The following JHY variants were observed in gnomAD, a reference collection of about 807,000 sequenced individuals.
JHY encodes the protein jhy protein homolog.
Under a neutral mutation model 78.0 loss-of-function variants are expected in JHY, and 69 were observed. The ratio of observed to expected loss-of-function variants is 0.88; its 90% CI spans 0.73 to 1.08. The LOEUF (loss-of-function observed/expected upper bound fraction) is 1.08. Ranked by LOEUF, JHY falls within the 50% of genes least tolerant of loss-of-function variation. The pLI is 0.00. For synonymous variants in JHY, 368 were observed against 342.6 expected (o/e 1.07, Z -0.82); for missense variants, 944 against 927.8 (o/e 1.02, Z -0.23).
intron 2 of JHY, among the ~76,000 whole-genome samples, chr11:122,895,493 C>A (rs934067967): frequency 5.9e-5 from 9 of 152,162 alleles, no homozygotes; most frequent in African/African-American, 1.9e-4. Flanking sequence ...TGAGGCTCTT[C>A]ATTAAATGGA....
Position 122,959,448 on chromosome 11 carries a change from A to G in JHY, c.*3A>G. On this transcript the variant is annotated 3_prime_UTR_variant, in exon 9 of 9. Coordinates refer to ENST00000227349, the MANE Select transcript of JHY (RefSeq NM_024806.4). ...TCAAAGTCCTTCACATCGTATAGAC[A>G]ACATTTGATAGGAAGGAGACCAAAA... is the stretch of plus-strand genomic sequence containing the variant. 1 of 1,613,654 alleles carries G rather than the reference A, an allele frequency of 6.2e-7. No homozygotes were observed. Among genetic ancestry groups the G allele is most frequent in the African/African-American group, 1.3e-5 (1 of 75,024 alleles).
rs1864321862 is a variant in JHY at position 122,961,785 on chromosome 11, AAAT to A, written c.*2343_*2345del. On this transcript the variant is annotated 3_prime_UTR_variant, in exon 9 of 9. Transcript: ENST00000227349. ...ATAAAGTGACAATTGAATGAAACAC[AAAT>A]AAATAAAGAATAAAGTTGAAAAAAA... Among the ~76,000 whole-genome samples the A allele has an allele frequency of 6.6e-6, 1 of 152,192 alleles. No individual in the cohort carries two copies. The highest frequency in any genetic ancestry group is 2.4e-5 in the African/African-American group (1 of 41,444).
intron 6 of JHY, among the ~76,000 whole-genome samples, chr11:122,952,299 G>T (rs528389511): frequency 2.3e-4 from 35 of 152,178 alleles, no homozygotes; most frequent in African/African-American, 8.2e-4. Flanking sequence ...AAATTTTGTG[G>T]TATGTGAATT....
rs575575124 is a variant in JHY at position 122,927,992 on chromosome 11, A to G, written c.978+2982A>G. Among the ~76,000 whole-genome samples, 139 of 152,148 alleles carry G rather than the reference A, an allele frequency of 9.1e-4. 1 individual carries two copies. The highest frequency in any genetic ancestry group is 3.3e-3 in the African/African-American group (136 of 41,528). On this transcript the variant is annotated intron_variant, in intron 4 of 8. Coordinates refer to ENST00000227349, the MANE Select transcript of JHY (RefSeq NM_024806.4). ...GTGATCTGCCCGCCTGGGCCTCCCA[A>G]AGTGCTAGGATTACAGGCGTGAGCC... is the stretch of plus-strand genomic sequence containing the variant.
At position 122,934,898 on chromosome 11, in the gene JHY, A is replaced by G. The variant is rs33999612; in HGVS notation, c.1457A>G (p.His486Arg). The stretch of plus-strand genomic sequence containing the variant: ...AAAAGATTTTCATATCAGCAGCTAC[A>G]CACCCTTTCTGACATGGATTTGAAC... The part of the protein sequence containing the change: ...EEKRFSYQQL[H>R]TLSDMDLNNL... Residue 486 changes from histidine to arginine, a missense_variant, in exon 5 of 9, where the codon CAC becomes CGC. His to Arg is a conservative substitution (Grantham distance 29). Transcript: ENST00000227349. 4.4e-3 allele frequency: 7,101 copies of G among 1,614,128 alleles called. 251 individuals are homozygous for G. The African/African-American group carries it at 0.082, about 19-fold the overall frequency.
rs1301945173 is a variant in JHY, at chr11:122,960,919, G to A, written c.*1474G>A. 8 of 706,504 alleles carry A rather than the reference G, an allele frequency of 1.1e-5. No individual in the cohort carries two copies. Among genetic ancestry groups the A allele is most frequent in the South Asian group, 4.1e-5 (3 of 73,640 alleles). 43.8% of individuals were successfully genotyped at this position (706,504 alleles called of 1,614,324 possible). On this transcript the variant is annotated 3_prime_UTR_variant, in exon 9 of 9. Coordinates refer to ENST00000227349, the MANE Select transcript of JHY (RefSeq NM_024806.4). ...AGAGTGTATAAGGAAGTAAAGAATC[G>A]CCTGGACTATCATATATCTGTGCAG...
intron 5 of JHY, among the ~76,000 whole-genome samples, chr11:122,937,912 G>C (rs1863791138): frequency 6.6e-6 from 1 of 152,148 alleles, no homozygotes; most frequent in Non-Finnish European, 1.5e-5. Context: ...TAGAATTCTA[G>C]ATGGAAAATC....
intron 5 of JHY, among the ~76,000 whole-genome samples, chr11:122,940,764 A>G (rs986460024): frequency 1.3e-5 from 2 of 152,010 alleles, no homozygotes; most frequent in Non-Finnish European, 2.9e-5. Context: ...TAATTCTATC[A>G]ATACCTATAC....
At chr11:122,913,718 C>A (rs1455904180) in intron 3 of JHY, among the ~76,000 whole-genome samples, 1 of 152,130 alleles carries the variant, frequency 6.6e-6, no homozygotes, top group Non-Finnish European at 1.5e-5. Flanking sequence ...CCAGTACCTC[C>A]CTCATTCCTG....
chr11:122,916,695 C>T (rs971239810), intron 3 of JHY, among the ~76,000 whole-genome samples: 2 of 152,058 alleles, frequency 1.3e-5, no homozygotes, highest in Non-Finnish European at 2.9e-5. Flanking sequence ...GCTAGAGCGC[C>T]GTGGCATGAT....
At chr11:122,940,462 G>T (rs945156476) in intron 5 of JHY, among the ~76,000 whole-genome samples, 1 of 152,102 alleles carries the variant, frequency 6.6e-6, no homozygotes, top group South Asian at 2.1e-4. Context: ...ACCATTTCAG[G>T]CAAGAATACT....
intron 2 of JHY, among the ~76,000 whole-genome samples, chr11:122,899,495 T>C (rs1162781664): frequency 6.6e-6 from 1 of 152,232 alleles, no homozygotes; most frequent in Non-Finnish European, 1.5e-5. Context: ...AATTTATTAC[T>C]ATTGATTTTT....
chr11:122,961,204 T>G lies in JHY; in HGVS notation c.*1759T>G. 1 of 476,686 alleles carries G rather than the reference T, an allele frequency of 2.1e-6. No homozygotes were observed. 29.5% of individuals were successfully genotyped at this position (476,686 alleles called of 1,614,324 possible). The stretch of plus-strand genomic sequence containing the variant: ...ACTGAAGTAGATAGTTTATATCTCC[T>G]AAAAATGAAACATTTGTTCCCTATA... On this transcript the variant is annotated 3_prime_UTR_variant, in exon 9 of 9. Transcript: ENST00000227349.
chr11:122,957,270 G>A (rs1391038240), intron 7 of JHY, 93 bp from the exon 8 acceptor site: 6 of 1,374,022 alleles, frequency 4.4e-6, no homozygotes, highest in Admixed American at 6.0e-5. Flanking sequence ...GATAAGATAC[G>A]CCCAGTATAC....
intron 7 of JHY, among the ~76,000 whole-genome samples, chr11:122,957,148 T>TA (rs1182038283): frequency 6.6e-6 from 1 of 152,176 alleles, no homozygotes; most frequent in Non-Finnish European, 1.5e-5. Flanking sequence ...CCGGGCGTGA[T>TA]ATTGCAGTGA....
At chr11:122,932,165 C>T (rs1022439607) in intron 4 of JHY, among the ~76,000 whole-genome samples, 2 of 152,250 alleles carry the variant, frequency 1.3e-5, no homozygotes, top group Non-Finnish European at 2.9e-5. Flanking sequence ...AGAGTGACAC[C>T]TGATGCCCCA....
chr11:122,940,231 G>A (rs1591393731), intron 5 of JHY, among the ~76,000 whole-genome samples: 1 of 151,982 alleles, frequency 6.6e-6, no homozygotes, highest in South Asian at 2.1e-4. Context: ...CCAGCTACTC[G>A]GGAGGCTGAG....
intron 3 of JHY, among the ~76,000 whole-genome samples, chr11:122,923,011 A>G (rs1863409567): frequency 6.6e-6 from 1 of 152,202 alleles, no homozygotes; most frequent in Non-Finnish European, 1.5e-5. Context: ...GAAGGGACAG[A>G]CTTGACAGCA....
rs776258928 is a variant in JHY at position 122,886,026 on chromosome 11, G to A, written c.177G>A (p.Glu59=). ...CGCAAGAGATTATGTGCCATTCTGA[G>A]TTTGATGATCGAATCCGGGGCAACG... ...SLTQEIMCHS[E]FDDRIRGNGM... is the part of the protein sequence containing the mutation. Residue 59 remains glutamate, a synonymous_variant, in exon 2 of 9, where the codon GAG becomes GAA. Coordinates refer to ENST00000227349, the MANE Select transcript of JHY (RefSeq NM_024806.4). 1.4e-5 allele frequency: 23 copies of A among 1,614,066 alleles called. No homozygotes were observed. Among genetic ancestry groups the A allele is most frequent in the South Asian group, 1.3e-4 (12 of 91,092 alleles).
Sources: gnomAD v4.1 joint callset for allele counts (sites outside exome capture counted in the v4.1 genomes callset) on GRCh38, gnomAD v4.1.1 for gene constraint, MANE v1.5 for transcripts, NCBI Gene and HGNC (gene_info 2026-07-23, HGNC 2026-07-21) for gene names.